The following UBL3 variants were observed in gnomAD, a reference collection of about 807,000 sequenced individuals.
UBL3 encodes the protein ubiquitin like 3.
In UBL3, 6 loss-of-function variants were observed where a neutral mutation model predicts 18.4. That is an observed-to-expected ratio of 0.33 (90% CI 0.18 to 0.64). The LOEUF (loss-of-function observed/expected upper bound fraction) is 0.64, where lower values mean the gene tolerates loss of function less well. Ranked by LOEUF, UBL3 falls within the 30% of genes least tolerant of loss-of-function variation. UBL3 has a pLI of 0.76. For missense variants in UBL3, 109 were observed against 142.9 expected, an observed-to-expected ratio of 0.76 and a Z score of 1.21; for synonymous variants, 49 against 46.6, an observed-to-expected ratio of 1.05 and a Z score of -0.21.
intron 1 of UBL3, among the ~76,000 whole-genome samples, chr13:29,822,838 CAAAAGGGCACAT>C (rs150754246): frequency 0.017 from 2,619 of 152,226 alleles, 83 homozygotes; most frequent in African/African-American, 0.059. Context: ...AAAGGGCACA[CAAAAGGGCACAT>C]AATTAAATTT....
Position 29,766,127 on chromosome 13 carries a change from C to CTT in UBL3, c.*1126_*1127dup, listed in dbSNP as rs1182742630. 1 of 152,476 alleles carries CTT rather than the reference C, an allele frequency of 6.6e-6. No homozygotes were observed. Among genetic ancestry groups the CTT allele is most frequent in the Non-Finnish European group, 1.5e-5 (1 of 67,984 alleles). 9.4% of individuals were successfully genotyped at this position (152,476 alleles called of 1,614,324 possible). On this transcript the variant is annotated 3_prime_UTR_variant, in exon 5 of 5. Coordinates refer to ENST00000380680, the MANE Select transcript of UBL3 (RefSeq NM_007106.4). The stretch of plus-strand genomic sequence containing the variant: ...CAGGTTTAGATGAAAGTAGCTCATG[C>CTT]TTTAGTGCTGTGCAAATTGTTTTTA...
intron 3 of UBL3, among the ~76,000 whole-genome samples, chr13:29,770,986 C>T (rs1261661045): frequency 6.6e-6 from 1 of 152,042 alleles, no homozygotes; most frequent in Non-Finnish European, 1.5e-5. Context: ...AAATCATTTG[C>T]ATTCATCTAC....
intron 1 of UBL3, among the ~76,000 whole-genome samples, chr13:29,792,109 T>TG (rs1353327563): frequency 6.6e-6 from 1 of 152,160 alleles, no homozygotes; most frequent in African/African-American, 2.4e-5. Flanking sequence ...TCACAGTGCT[T>TG]GAAAAAAGTA....
At chr13:29,843,294 T>C (rs1227221496) in intron 1 of UBL3, among the ~76,000 whole-genome samples, 2 of 152,212 alleles carry the variant, frequency 1.3e-5, no homozygotes, top group Non-Finnish European at 2.9e-5. Context: ...ATTTTGTTTT[T>C]ACTTTACTAT....
intron 1 of UBL3, among the ~76,000 whole-genome samples, chr13:29,848,278 CACAA>C (rs1566004091): frequency 3.2e-5 from 1 of 30,978 alleles, no homozygotes; most frequent in African/African-American, 1.4e-4. Context: ...ACCCTGTCTC[CACAA>C]AAAAAAAAAA....
chr13:29,829,485 A>G (rs1878714471), intron 1 of UBL3, among the ~76,000 whole-genome samples: 2 of 151,984 alleles, frequency 1.3e-5, no homozygotes, highest in South Asian at 2.1e-4. Context: ...GGACCCTCCA[A>G]GCCAGGCGCG....
At chr13:29,772,075 G>T in intron 3 of UBL3, 37 bp downstream of exon 3, 1 of 1,528,234 alleles carries the variant, frequency 6.5e-7, no homozygotes, top group Non-Finnish European at 9.0e-7. Context: ...GCTACCATGA[G>T]ACAGACATTA....
chr13:29,772,797 T>G (rs1876879215), intron 2 of UBL3, among the ~76,000 whole-genome samples: 1 of 151,952 alleles, frequency 6.6e-6, no homozygotes. Context: ...ACCAAAAAAA[T>G]TATATATATT....
chr13:29,812,529 T>C (rs1303009794), intron 1 of UBL3, among the ~76,000 whole-genome samples: 1 of 152,034 alleles, frequency 6.6e-6, no homozygotes, highest in Non-Finnish European at 1.5e-5. Context: ...TGATGTGTAC[T>C]CCTAGGTAAG....
At chr13:29,817,578 G>A (rs1878318221) in intron 1 of UBL3, among the ~76,000 whole-genome samples, 1 of 152,152 alleles carries the variant, frequency 6.6e-6, no homozygotes, top group Non-Finnish European at 1.5e-5. Context: ...AGCGTTTCTG[G>A]AGGTTTTCTA....
intron 1 of UBL3, among the ~76,000 whole-genome samples, chr13:29,779,628 T>C (rs919704329): frequency 2.6e-5 from 4 of 152,200 alleles, no homozygotes; most frequent in South Asian, 4.1e-4. Context: ...AAATAAATGA[T>C]AGTATATCCT....
chr13:29,785,788 T>A (rs1877298965), intron 1 of UBL3, among the ~76,000 whole-genome samples: 1 of 152,174 alleles, frequency 6.6e-6, no homozygotes, highest in South Asian at 2.1e-4. Context: ...TGAAACTCCT[T>A]GAGGATCTCA....
At chr13:29,819,112 C>T (rs1474098126) in intron 1 of UBL3, among the ~76,000 whole-genome samples, 3 of 152,146 alleles carry the variant, frequency 2.0e-5, no homozygotes, top group African/African-American at 7.2e-5. Context: ...TATGAGGTGA[C>T]AACTGTTGAA....
In UBL3 at chr13:29,777,217, A is replaced by T; in HGVS notation, c.74T>A (p.Leu25Gln). Residue 25 changes from leucine (L) to glutamine (Q), a missense_variant, in exon 2 of 5, where the codon CTG (leucine) becomes CAG (glutamine). Coordinates refer to ENST00000380680, the MANE Select transcript of UBL3 (RefSeq NM_007106.4). The part of the protein sequence containing the change: ...ILVSGKTKEF[L>Q]FSPNDSASDI... Reference sequence around the variant, plus strand: ...AGAAGCAGAATCGTTAGGAGAAAACAGGAACTCTTTTGTTTTTCCGCTTAC... The same window carrying T: ...AGAAGCAGAATCGTTAGGAGAAAACTGGAACTCTTTTGTTTTTCCGCTTAC... 3 of 1,610,662 alleles carry T rather than the reference A, an allele frequency of 1.9e-6. No individual in the cohort carries two copies. Among genetic ancestry groups the T allele is most frequent in the Non-Finnish European group, 2.5e-6 (3 of 1,178,282 alleles).
At chr13:29,794,211 A>C (rs1418983102) in intron 1 of UBL3, among the ~76,000 whole-genome samples, 3 of 152,194 alleles carry the variant, frequency 2.0e-5, no homozygotes, top group Non-Finnish European at 4.4e-5. Flanking sequence ...CCAATACTGA[A>C]GGTATTATCC....
At position 29,767,709 on chromosome 13, in the gene UBL3, A is replaced by C; in HGVS notation, c.224-14T>G. The C allele has an allele frequency of 6.2e-7, 1 of 1,609,900 alleles. No individual in the cohort carries two copies. The highest frequency in any genetic ancestry group is 8.5e-7 in the Non-Finnish European group (1 of 1,176,898). ...GAAGTTTTAATGCTATGTGAAAAGC[A>C]AAAGATGATTAGTTACACATATATC... On this transcript the variant is annotated splice_polypyrimidine_tract_variant and intron_variant, in intron 3 of 4. Coordinates refer to ENST00000380680, the MANE Select transcript of UBL3 (RefSeq NM_007106.4).
intron 1 of UBL3, among the ~76,000 whole-genome samples, chr13:29,803,900 G>T (rs1243876523): frequency 6.6e-6 from 1 of 151,948 alleles, no homozygotes; most frequent in Non-Finnish European, 1.5e-5. Flanking sequence ...AATTAGCAAA[G>T]ATTTTCAAGA....
intron 1 of UBL3, among the ~76,000 whole-genome samples, chr13:29,781,921 C>T (rs1020511214): frequency 3.3e-5 from 5 of 150,020 alleles, no homozygotes; most frequent in African/African-American, 1.2e-4. Flanking sequence ...TTACTTGCAC[C>T]CAGAGTTCGA....
intron 1 of UBL3, among the ~76,000 whole-genome samples, chr13:29,829,049 G>C (rs556173518): frequency 2.0e-5 from 3 of 152,194 alleles, no homozygotes; most frequent in Non-Finnish European, 4.4e-5. Flanking sequence ...TCGTCTCAGA[G>C]GGGTACCTGG....
Sources: gnomAD v4.1 joint callset for allele counts (sites outside exome capture counted in the v4.1 genomes callset) on GRCh38, gnomAD v4.1.1 for gene constraint, MANE v1.5 for transcripts, NCBI Gene and HGNC (gene_info 2026-07-23, HGNC 2026-07-21) for gene names.